The following ARHGEF33 variants were observed in gnomAD, a reference collection of about 807,000 sequenced individuals.
The protein encoded by ARHGEF33 is Rho guanine nucleotide exchange factor 33, also known as DH and coiled-coil domain-containing protein ENSP00000381780.
A neutral mutation model predicts 101.9 loss-of-function variants in ARHGEF33; 72 were observed. The observed-to-expected ratio is 0.71, with a 90% CI of 0.58 to 0.86. The LOEUF is 0.86. Among genes scored for constraint, ARHGEF33 ranks in the 40% least tolerant of loss-of-function variants. The pLI is 0.00. For missense variants in ARHGEF33, 1,169 were observed against 1,111.3 expected, an observed-to-expected ratio of 1.05 and a Z score of -0.74; for synonymous variants, 499 against 442.5, an observed-to-expected ratio of 1.13 and a Z score of -1.60.
intron 2 of ARHGEF33, among the ~76,000 whole-genome samples, chr2:38,918,755 C>G (rs1334776957): frequency 6.6e-6 from 1 of 151,928 alleles, no homozygotes; most frequent in Non-Finnish European, 1.5e-5. Flanking sequence ...AGATAATTTT[C>G]CTGGGGCTGG....
At chr2:38,965,958 A>G (rs1199784169) in intron 16 of ARHGEF33, 48 bp from the exon 17 acceptor site, 1 of 1,545,420 alleles carries the variant, frequency 6.5e-7, no homozygotes, top group East Asian at 2.4e-5. Flanking sequence ...AGGATCCATA[A>G]TAACATTGGA....
At chr2:38,946,982 T>C (rs13027628) in intron 10 of ARHGEF33, among the ~76,000 whole-genome samples, 1,860 of 152,316 alleles carry the variant, frequency 0.012, 13 homozygotes, top group Non-Finnish European at 0.02. Context: ...ATGAAATTGT[T>C]CCTTTTCTCT....
intron 6 of ARHGEF33, 135 bp downstream of exon 6, chr2:38,929,965 G>A (rs1666958952): frequency 1.5e-6 from 1 of 679,098 alleles, no homozygotes; most frequent in Admixed American, 3.2e-5. Context: ...TGCGATGGAG[G>A]TTATAGAATT....
intron 16 of ARHGEF33, among the ~76,000 whole-genome samples, chr2:38,963,014 ACT>A (rs1439431867): frequency 8.7e-6 from 1 of 114,456 alleles, no homozygotes; most frequent in Non-Finnish European, 1.8e-5. Context: ...AAAGTGTGAG[ACT>A]CTGTCTCAAA....
chr2:38,960,787 T>C (rs895576252), intron 16 of ARHGEF33, 139 bp downstream of exon 16: 9 of 702,248 alleles, frequency 1.3e-5, no homozygotes, highest in South Asian at 3.8e-5. Flanking sequence ...CGTCGGCGGG[T>C]GGAGGCGGAG....
intron 10 of ARHGEF33, among the ~76,000 whole-genome samples, chr2:38,945,925 C>T (rs866919194): frequency 6.6e-6 from 1 of 152,174 alleles, no homozygotes; most frequent in East Asian, 1.9e-4. Flanking sequence ...GGGATTCAAA[C>T]GCAAGCCTGC....
At chr2:38,933,890 C>T (rs13429447) in intron 7 of ARHGEF33, among the ~76,000 whole-genome samples, 8,778 of 152,154 alleles carry the variant, frequency 0.058, 748 homozygotes, top group African/African-American at 0.18. Flanking sequence ...TTTATGTGAG[C>T]CATGATGCAA....
chr2:38,932,481 G>A (rs1667030131), intron 7 of ARHGEF33, among the ~76,000 whole-genome samples: 1 of 151,996 alleles, frequency 6.6e-6, no homozygotes, highest in Non-Finnish European at 1.5e-5. Context: ...TTGAGAGACT[G>A]ATAGGTGCAG....
Position 38,944,026 on chromosome 2 carries a change from A to G in ARHGEF33, c.916A>G (p.Arg306Gly). 6.5e-7 allele frequency: 1 copy of G among 1,550,074 alleles called. No homozygotes were observed. Among genetic ancestry groups the G allele is most frequent in the East Asian group, 2.4e-5 (1 of 40,872 alleles). ...GSDGKRNSKE[R>G]SLFPGSLRYL... ...AGATGGAAAGAGGAATTCCAAAGAG[A>G]GAAGGTATCCATGCACTCATTGCCT... Residue 306 changes from arginine (R) to glycine (G), a missense_variant, in exon 10 of 18, where the codon AGA (arginine) becomes GGA (glycine). Transcript: ENST00000409978.
intron 4 of ARHGEF33, among the ~76,000 whole-genome samples, chr2:38,927,330 A>C (rs1666896793): frequency 6.6e-6 from 1 of 152,230 alleles, no homozygotes. Flanking sequence ...CTTATTCTGA[A>C]AATGTTCAGA....
At chr2:38,952,930 C>T (rs1022507801) in intron 11 of ARHGEF33, among the ~76,000 whole-genome samples, 4 of 152,150 alleles carry the variant, frequency 2.6e-5, no homozygotes, top group Non-Finnish European at 5.9e-5. Flanking sequence ...ATCTCCTGAG[C>T]TCAGGCAATC....
At chr2:38,951,182 A>G (rs1667594484) in intron 11 of ARHGEF33, 61 bp downstream of exon 11, 17 of 1,483,112 alleles carry the variant, frequency 1.1e-5, no homozygotes, top group Middle Eastern at 3.5e-4. Flanking sequence ...TCATTTGTCT[A>G]CTTCTCTTAA....
rs78718092 is a variant in ARHGEF33 at position 38,912,605 on chromosome 2, A to T, written c.-85-6758A>T. ...CTGTTCCTTTTTATATCCATTTATT[A>T]TAGTAAAAAATGAAAATTACCCTAA... On this transcript the variant is annotated intron_variant, in intron 2 of 17. Coordinates refer to ENST00000409978, the MANE Select transcript of ARHGEF33 (RefSeq NM_001145451.5). Among the ~76,000 whole-genome samples the T allele has an allele frequency of 4.6e-5, 7 of 152,334 alleles. No homozygotes were observed. The East Asian group carries it at 1.3e-3, about 29-fold the overall frequency.
At chr2:38,951,723 G>T (rs1400635287) in intron 11 of ARHGEF33, among the ~76,000 whole-genome samples, 1 of 151,490 alleles carries the variant, frequency 6.6e-6, no homozygotes. Context: ...ATACACACAT[G>T]AGATATATAC....
At chr2:38,960,762 G>C in intron 16 of ARHGEF33, 114 bp downstream of exon 16, 1 of 905,840 alleles carries the variant, frequency 1.1e-6, no homozygotes, top group Non-Finnish European at 1.4e-6. Flanking sequence ...CAGGCTAGGG[G>C]GCGGCTGCGC....
chr2:38,971,650 A>G (rs1287923184), intron 17 of ARHGEF33, among the ~76,000 whole-genome samples: 1 of 152,234 alleles, frequency 6.6e-6, no homozygotes, highest in Non-Finnish European at 1.5e-5. Flanking sequence ...GGTCTTTACA[A>G]GGATGAAAAT....
intron 1 of ARHGEF33, among the ~76,000 whole-genome samples, chr2:38,893,856 G>A (rs991742104): frequency 2.0e-5 from 3 of 152,126 alleles, no homozygotes; most frequent in South Asian, 2.1e-4. Context: ...TCTATCTGAA[G>A]AGCTCAAATG....
At position 38,932,012 on chromosome 2, in the gene ARHGEF33, G is replaced by A. The variant is rs184440474; in HGVS notation, c.505+761G>A. On this transcript the variant is annotated intron_variant, in intron 7 of 17. Transcript: ENST00000409978. ...TGCTTAAGATGAATGGAACAATTAGGTTTATATACTCATAGACAATGTGTA... is the reference window on the plus strand; with the variant it reads ...TGCTTAAGATGAATGGAACAATTAGATTTATATACTCATAGACAATGTGTA... 5.5e-4 allele frequency among the ~76,000 whole-genome samples: 83 copies of A among 152,260 alleles called. 1 individual carries two copies. Among genetic ancestry groups the A allele is most frequent in the Admixed American group, 3.3e-3 (51 of 15,288 alleles).
At chr2:38,910,096 T>G (rs1265033248) in intron 2 of ARHGEF33, among the ~76,000 whole-genome samples, 1 of 152,168 alleles carries the variant, frequency 6.6e-6, no homozygotes, top group Non-Finnish European at 1.5e-5. Context: ...GACACTGTTA[T>G]TTATAGAACC....
Sources: gnomAD v4.1 joint callset for allele counts (sites outside exome capture counted in the v4.1 genomes callset) on GRCh38, gnomAD v4.1.1 for gene constraint, MANE v1.5 for transcripts, NCBI Gene and HGNC (gene_info 2026-07-23, HGNC 2026-07-21) for gene names.